Variants in ELP4 observed in about 807,000 individuals in gnomAD.
ELP4 encodes elongator complex protein 4.
Under a neutral mutation model 48.9 loss-of-function variants are expected in ELP4, and 51 were observed. The ratio of observed to expected loss-of-function variants is 1.04; its 90% confidence interval spans 0.83 to 1.32. The LOEUF is 1.32. ELP4 is among the 40% of genes most tolerant of loss of function. The pLI, the probability that ELP4 is intolerant of heterozygous loss-of-function variation, is 0.00. For synonymous variants in ELP4, 210 were observed against 189.2 expected, an observed-to-expected ratio of 1.11 and a Z score of -0.90; for missense variants, 519 against 514.6, an observed-to-expected ratio of 1.01 and a Z score of -0.08.
At chr11:31,626,890 TATG>T (rs1395365552) in intron 5 of ELP4, among the ~76,000 whole-genome samples, 2 of 151,928 alleles carry the variant, frequency 1.3e-5, no homozygotes, top group African/African-American at 2.4e-5. Context: ...TTTATCTTCC[TATG>T]ATGTCAGGAA....
chr11:31,588,207 AAC>A (rs1290079766), intron 3 of ELP4, among the ~76,000 whole-genome samples: 1 of 152,186 alleles, frequency 6.6e-6, no homozygotes, highest in African/African-American at 2.4e-5. Flanking sequence ...ATGTTTATAT[AAC>A]AGTTTAACCA....
intron 9 of ELP4, among the ~76,000 whole-genome samples, chr11:31,729,397 A>G (rs1194866969): frequency 6.6e-6 from 1 of 152,214 alleles, no homozygotes; most frequent in Non-Finnish European, 1.5e-5. Flanking sequence ...TACAAAAATA[A>G]AATGAAATAA....
chr11:31,678,977 G>T (rs1341788551), intron 9 of ELP4, among the ~76,000 whole-genome samples: 1 of 152,078 alleles, frequency 6.6e-6, no homozygotes, highest in African/African-American at 2.4e-5. Context: ...AATGAGAGTG[G>T]CATCTCATTA....
At chr11:31,620,912 G>T (rs572673847) in intron 5 of ELP4, among the ~76,000 whole-genome samples, 12 of 151,856 alleles carry the variant, frequency 7.9e-5, no homozygotes, top group Non-Finnish European at 1.6e-4. Flanking sequence ...TATGTTCTTA[G>T]TTGAACATCC....
chr11:31,747,593 A>T (rs771115321), intron 9 of ELP4, among the ~76,000 whole-genome samples: 2 of 152,354 alleles, frequency 1.3e-5, no homozygotes, highest in Admixed American at 6.5e-5. Context: ...ACCTGTGGTC[A>T]CCCAAAAGAG....
At chr11:31,625,511 G>A (rs979123592) in intron 5 of ELP4, among the ~76,000 whole-genome samples, 7 of 151,782 alleles carry the variant, frequency 4.6e-5, no homozygotes, top group African/African-American at 1.4e-4. Flanking sequence ...CAACATGGGT[G>A]AAACTGAAGG....
intron 1 of ELP4, among the ~76,000 whole-genome samples, chr11:31,513,841 C>T (rs1188614220): frequency 6.6e-6 from 1 of 152,126 alleles, no homozygotes; most frequent in Non-Finnish European, 1.5e-5. Context: ...TTTGCAAGAT[C>T]TTAAATTTTC....
intron 4 of ELP4, among the ~76,000 whole-genome samples, chr11:31,601,838 T>C (rs1261345302): frequency 1.3e-5 from 2 of 152,130 alleles, no homozygotes; most frequent in African/African-American, 4.8e-5. Flanking sequence ...ATGTGGTACA[T>C]TGAGGCCTTT....
intron 9 of ELP4, among the ~76,000 whole-genome samples, chr11:31,744,851 A>T (rs1287660483): frequency 6.6e-6 from 1 of 152,126 alleles, no homozygotes; most frequent in Non-Finnish European, 1.5e-5. Flanking sequence ...GCCCTCTCTC[A>T]CCACTCCTAT....
At chr11:31,662,699 T>A (rs1945589472) in intron 9 of ELP4, 1 of 395,942 alleles carries the variant, frequency 2.5e-6, no homozygotes, top group Non-Finnish European at 4.5e-6. Context: ...ACTCTTAAAA[T>A]TAAGCTTTAT....
intron 9 of ELP4, among the ~76,000 whole-genome samples, chr11:31,693,032 T>C (rs1220796017): frequency 6.6e-6 from 1 of 152,156 alleles, no homozygotes; most frequent in Non-Finnish European, 1.5e-5. Context: ...CTTCCAAGCC[T>C]AGCAGAGTTT....
intron 9 of ELP4, among the ~76,000 whole-genome samples, chr11:31,690,336 C>T (rs887477905): frequency 2.0e-5 from 3 of 151,998 alleles, no homozygotes; most frequent in African/African-American, 7.3e-5. Context: ...GTCCATCTGC[C>T]CTCACTTTCC....
intron 9 of ELP4, among the ~76,000 whole-genome samples, chr11:31,692,427 C>T (rs1946299489): frequency 6.6e-6 from 1 of 152,114 alleles, no homozygotes; most frequent in Non-Finnish European, 1.5e-5. Flanking sequence ...CACTGTTGCC[C>T]TACTACTATA....
At chr11:31,658,066 A>C (rs1945475905) in intron 9 of ELP4, among the ~76,000 whole-genome samples, 2 of 151,936 alleles carry the variant, frequency 1.3e-5, no homozygotes, top group Non-Finnish European at 2.9e-5. Context: ...ACTTAAATTG[A>C]AGCCTGTTTT....
At chr11:31,593,685 A>G (rs1441895038) in intron 3 of ELP4, among the ~76,000 whole-genome samples, 2 of 152,104 alleles carry the variant, frequency 1.3e-5, no homozygotes, top group East Asian at 3.9e-4. Context: ...ACTCATAACC[A>G]CTATGCTGTA....
intron 3 of ELP4, among the ~76,000 whole-genome samples, chr11:31,556,921 A>G (rs1196795802): frequency 6.6e-6 from 1 of 151,904 alleles, no homozygotes; most frequent in Non-Finnish European, 1.5e-5. Context: ...TAATATTTTA[A>G]CATCAAATAT....
chr11:31,693,507 G>T (rs1279536850), intron 9 of ELP4, among the ~76,000 whole-genome samples: 1 of 152,094 alleles, frequency 6.6e-6, no homozygotes, highest in Non-Finnish European at 1.5e-5. Flanking sequence ...TTTTATGGCT[G>T]CATAGTATTC....
chr11:31,548,294 A>T (rs1048898712), intron 3 of ELP4, among the ~76,000 whole-genome samples: 1 of 152,200 alleles, frequency 6.6e-6, no homozygotes, highest in Non-Finnish European at 1.5e-5. Context: ...AAGTCTCAGG[A>T]TACAAAATCA....
intron 9 of ELP4, among the ~76,000 whole-genome samples, chr11:31,685,310 C>T (rs948992748): frequency 6.6e-6 from 1 of 152,024 alleles, no homozygotes; most frequent in Non-Finnish European, 1.5e-5. Flanking sequence ...GAGATCGCGC[C>T]ATTGCACTCC....
Sources: gnomAD v4.1 joint callset for allele counts (sites outside exome capture counted in the v4.1 genomes callset) on GRCh38, gnomAD v4.1.1 for gene constraint, MANE v1.5 for transcripts, NCBI Gene and HGNC (gene_info 2026-07-23, HGNC 2026-07-21) for gene names.